The following GPC5 variants were observed in gnomAD, a reference collection of about 807,000 sequenced individuals.
The protein encoded by GPC5 is glypican-5.
In GPC5, 47 loss-of-function variants were observed where a neutral mutation model predicts 53.9. The observed-to-expected ratio is 0.87, with a 90% CI of 0.69 to 1.11. The LOEUF is 1.11. GPC5 is among the 50% of genes most tolerant of loss of function. The probability of loss-of-function intolerance (pLI) is 0.00; values close to 1 mark genes in which losing one functional copy is unlikely to be tolerated. For synonymous variants in GPC5, 286 were observed against 263.3 expected (o/e 1.09, Z -0.84); for missense variants, 748 against 713.1 (o/e 1.05, Z -0.56).
At chr13:92,736,527 C>A (rs373002653) in intron 7 of GPC5, among the ~76,000 whole-genome samples, 16 of 151,798 alleles carry the variant, frequency 1.1e-4, no homozygotes, top group East Asian at 7.9e-4. Context: ...GCCTGACTGG[C>A]TCCTTCTCAT....
chr13:92,101,085 C>T (rs1370121279), intron 6 of GPC5, among the ~76,000 whole-genome samples: 1 of 152,140 alleles, frequency 6.6e-6, no homozygotes, highest in Admixed American at 6.5e-5. Flanking sequence ...CTTTACAGTA[C>T]ATCCAGTTCT....
rs143769933 is a variant in GPC5, at chr13:91,785,760, C to T, written c.1280+29340C>T. Among the ~76,000 whole-genome samples the T allele has an allele frequency of 9.8e-5, 15 of 152,324 alleles. No homozygotes were observed. In the East Asian group the frequency reaches 2.9e-3, roughly 29 times the overall value. The stretch of plus-strand genomic sequence containing the variant: ...CACCTTATCCACATTCCACATTAAT[C>T]CACATTCAGCCCATCTGCACAGATC... On this transcript the variant is annotated intron_variant, in intron 5 of 7. Transcript: ENST00000377067.
rs550457811 is a variant in GPC5, at chr13:92,084,859, G to T, written c.1402-59971G>T. On this transcript the variant is annotated intron_variant, in intron 6 of 7. Transcript: ENST00000377067. ...TGTTAATCCATTCACATTACTATAA[G>T]AAAACACGTTAGACAGGATAATTTA... Among the ~76,000 whole-genome samples the T allele has an allele frequency of 8.0e-4, 122 of 152,256 alleles. 1 individual carries two copies. In the Middle Eastern group the frequency reaches 0.031, roughly 38 times the overall value.
chr13:92,850,941 T>A (rs1463096032), intron 7 of GPC5, among the ~76,000 whole-genome samples: 2 of 152,156 alleles, frequency 1.3e-5, no homozygotes, highest in Admixed American at 1.3e-4. Flanking sequence ...AACTTATAAA[T>A]AAAAGAGTTT....
chr13:92,322,920 C>T (rs972466106), intron 7 of GPC5, among the ~76,000 whole-genome samples: 5 of 151,946 alleles, frequency 3.3e-5, no homozygotes, highest in African/African-American at 1.2e-4. Context: ...TGCAGTCAAG[C>T]TTTGGATCAG....
intron 7 of GPC5, among the ~76,000 whole-genome samples, chr13:92,611,442 G>T (rs1594345491): frequency 6.6e-6 from 1 of 152,132 alleles, no homozygotes; most frequent in East Asian, 1.9e-4. Flanking sequence ...TCAGAAAATG[G>T]ATCCTTAAGG....
chr13:92,324,387 G>A (rs533155601), intron 7 of GPC5, among the ~76,000 whole-genome samples: 10 of 151,930 alleles, frequency 6.6e-5, no homozygotes, highest in African/African-American at 2.4e-4. Context: ...ACAAAATGAC[G>A]TGCATGGTGA....
rs181058369 is a variant in GPC5 at position 92,547,954 on chromosome 13, C to T, written c.1562-318328C>T. ...ACACCATTCTCCTGCCACAGCCTCC[C>T]GAGGAGCTGGGACTACAGGTGCCCG... On this transcript the variant is annotated intron_variant, in intron 7 of 7. Coordinates refer to ENST00000377067, the MANE Select transcript of GPC5 (RefSeq NM_004466.6). Among the ~76,000 whole-genome samples the T allele has an allele frequency of 9.3e-3, 1,406 of 150,404 alleles. 22 individuals carry two copies. The highest frequency in any genetic ancestry group is 0.032 in the African/African-American group (1,310 of 41,054).
At chr13:92,434,467 C>T (rs1877222689) in intron 7 of GPC5, among the ~76,000 whole-genome samples, 1 of 151,836 alleles carries the variant, frequency 6.6e-6, no homozygotes, top group African/African-American at 2.4e-5. Flanking sequence ...AACATACCTA[C>T]CTTGATAAAG....
At chr13:91,501,776 G>C (rs1244944139) in intron 2 of GPC5, among the ~76,000 whole-genome samples, 1 of 152,182 alleles carries the variant, frequency 6.6e-6, no homozygotes, top group Non-Finnish European at 1.5e-5. Flanking sequence ...TGGGATGCCT[G>C]GGTCAAATGG....
chr13:91,478,881 T>TATATATATATATATA (rs1555312577), intron 2 of GPC5, among the ~76,000 whole-genome samples: 5 of 67,498 alleles, frequency 7.4e-5, no homozygotes, highest in African/African-American at 3.3e-4. Context: ...TATATACACA[T>TATATATATATATATA]TATATATATA....
chr13:91,849,717 G>A (rs2038892414), intron 5 of GPC5, among the ~76,000 whole-genome samples: 1 of 152,044 alleles, frequency 6.6e-6, no homozygotes, highest in Non-Finnish European at 1.5e-5. Flanking sequence ...TTGATCGAGG[G>A]AAACCTCCAA....
intron 7 of GPC5, among the ~76,000 whole-genome samples, chr13:92,512,258 G>GCA (rs1566622165): frequency 7.9e-5 from 12 of 151,902 alleles, no homozygotes; most frequent in Admixed American, 2.6e-4. Context: ...GTGCGCGCGC[G>GCA]CGCGCGTACG....
chr13:91,409,208 A>T (rs1877545805), intron 1 of GPC5, among the ~76,000 whole-genome samples: 1 of 152,188 alleles, frequency 6.6e-6, no homozygotes. Context: ...AGGTCAATAA[A>T]ATGAAGAGAT....
At chr13:91,855,425 C>A (rs1372667111) in intron 5 of GPC5, among the ~76,000 whole-genome samples, 1 of 151,650 alleles carries the variant, frequency 6.6e-6, no homozygotes, top group Non-Finnish European at 1.5e-5. Flanking sequence ...TAAAATTAGT[C>A]ATCTTTTCCT....
intron 6 of GPC5, among the ~76,000 whole-genome samples, chr13:91,976,302 A>G (rs1346429316): frequency 6.6e-6 from 1 of 152,192 alleles, no homozygotes; most frequent in Non-Finnish European, 1.5e-5. Context: ...AAAAATAGTG[A>G]AAACATCATG....
Position 91,758,731 on chromosome 13 carries a change from C to T in GPC5, c.1280+2311C>T, listed in dbSNP as rs1364392041. On this transcript the variant is annotated intron_variant, in intron 5 of 7. Coordinates refer to ENST00000377067, the MANE Select transcript of GPC5 (RefSeq NM_004466.6). ...GATTCTTAGTATTCCCATTTGCTTC[C>T]AGCTAATGCCTTCCCTTTCCTGTAC... Among the ~76,000 whole-genome samples, 4 of 152,240 alleles carry T rather than the reference C, an allele frequency of 2.6e-5. No individual in the cohort carries two copies. The East Asian group carries it at 7.7e-4, about 29-fold the overall frequency.
chr13:92,414,842 G>T, intron 7 of GPC5, among the ~76,000 whole-genome samples: 1 of 152,126 alleles, frequency 6.6e-6, no homozygotes, highest in East Asian at 1.9e-4. Flanking sequence ...ATGGGTGTGG[G>T]ACCTCAATCC....
intron 6 of GPC5, among the ~76,000 whole-genome samples, chr13:92,043,678 G>C (rs1476000528): frequency 6.6e-6 from 1 of 152,200 alleles, no homozygotes; most frequent in Non-Finnish European, 1.5e-5. Context: ...TTTGCTCTTG[G>C]AAGGAGTGAC....
Sources: gnomAD v4.1 joint callset for allele counts (sites outside exome capture counted in the v4.1 genomes callset) on GRCh38, gnomAD v4.1.1 for gene constraint, MANE v1.5 for transcripts, NCBI Gene and HGNC (gene_info 2026-07-23, HGNC 2026-07-21) for gene names.